PTPRG: variants seen among roughly 807,000 people sequenced by gnomAD.
PTPRG encodes the protein protein tyrosine phosphatase receptor type G, also known as receptor-type tyrosine-protein phosphatase gamma.
A neutral mutation model predicts 165.3 loss-of-function variants in PTPRG; 102 were observed. The ratio of observed to expected loss-of-function variants is 0.62; its 90% CI spans 0.53 to 0.73. The LOEUF (loss-of-function observed/expected upper bound fraction) is 0.73, where lower values mean the gene tolerates loss of function less well. Ranked by LOEUF, PTPRG falls within the 30% of genes least tolerant of loss-of-function variation. PTPRG has a pLI of 0.00. For missense variants in PTPRG, 1,866 were observed against 1,861.4 expected (o/e 1.00, Z -0.05); for synonymous variants, 675 against 669.5 (o/e 1.01, Z -0.13).
chr3:61,736,680 G>A (rs1190903483), intron 1 of PTPRG, among the ~76,000 whole-genome samples: 1 of 152,166 alleles, frequency 6.6e-6, no homozygotes, highest in East Asian at 1.9e-4. Flanking sequence ...GTGCACAGGT[G>A]GAAGTACACA....
rs1459262700 is a variant in PTPRG at position 62,294,190 on chromosome 3, A to G, written c.*883A>G. The G allele has an allele frequency of 6.6e-6, 1 of 152,080 alleles. No homozygotes were observed. The highest frequency in any genetic ancestry group is 1.5e-5 in the Non-Finnish European group (1 of 67,982). 9.4% of individuals were successfully genotyped at this position (152,080 alleles called of 1,614,324 possible). On this transcript the variant is annotated 3_prime_UTR_variant, in exon 30 of 30. Transcript: ENST00000474889. Reference sequence around the variant, plus strand: ...TTCTTAGTTTGTAATACCATACCTCACAGTAGGTAGAAGAATGAAAACTTC... The same window carrying G: ...TTCTTAGTTTGTAATACCATACCTCGCAGTAGGTAGAAGAATGAAAACTTC...
chr3:61,572,668 C>A (rs1700084146), intron 1 of PTPRG, among the ~76,000 whole-genome samples: 1 of 152,272 alleles, frequency 6.6e-6, no homozygotes, highest in South Asian at 2.1e-4. Context: ...AGATGGAAGC[C>A]CCGGCCCTCA....
At chr3:61,609,235 G>T (rs776671550) in intron 1 of PTPRG, among the ~76,000 whole-genome samples, 17 of 152,206 alleles carry the variant, frequency 1.1e-4, no homozygotes, top group Non-Finnish European at 1.5e-4. Context: ...TGGGTCGAAT[G>T]AAGTTATGTA....
chr3:61,801,709 T>C (rs553905411), intron 2 of PTPRG, among the ~76,000 whole-genome samples: 2 of 152,184 alleles, frequency 1.3e-5, no homozygotes, highest in Non-Finnish European at 2.9e-5. Flanking sequence ...ATTGTTAGCA[T>C]TATCCTAATT....
intron 1 of PTPRG, among the ~76,000 whole-genome samples, chr3:61,613,130 C>T (rs995359808): frequency 6.6e-6 from 1 of 152,178 alleles, no homozygotes; most frequent in African/African-American, 2.4e-5. Context: ...CTAGGACACT[C>T]AAAAGCCTAG....
At chr3:61,845,737 G>A (rs1469038906) in intron 2 of PTPRG, among the ~76,000 whole-genome samples, 1 of 152,152 alleles carries the variant, frequency 6.6e-6, no homozygotes, top group African/African-American at 2.4e-5. Context: ...GTCTTATAAT[G>A]TATTTTCCAT....
chr3:62,158,945 C>T (rs376624642), intron 7 of PTPRG, among the ~76,000 whole-genome samples: 25 of 152,022 alleles, frequency 1.6e-4, no homozygotes, highest in South Asian at 6.2e-4. Context: ...AAAGTTACAG[C>T]CCAAATATTT....
At chr3:61,843,777 G>C (rs192266187) in intron 2 of PTPRG, among the ~76,000 whole-genome samples, 1 of 151,194 alleles carries the variant, frequency 6.6e-6, no homozygotes, top group East Asian at 1.9e-4. Context: ...AACATTATTA[G>C]TTGATGTCAG....
chr3:62,136,129 C>T (rs1205328926), intron 6 of PTPRG, among the ~76,000 whole-genome samples: 1 of 152,146 alleles, frequency 6.6e-6, no homozygotes, highest in African/African-American at 2.4e-5. Flanking sequence ...CCTAATCACA[C>T]TCCCGTAGTG....
At chr3:61,853,572 T>C (rs530064111) in intron 2 of PTPRG, among the ~76,000 whole-genome samples, 1 of 152,318 alleles carries the variant, frequency 6.6e-6, no homozygotes, top group African/African-American at 2.4e-5. Flanking sequence ...AGCTGACATC[T>C]TGACTGCAAT....
chr3:62,210,594 A>G lies in PTPRG; in HGVS notation c.2155+6644A>G, dbSNP rs913288742. Reference sequence around the variant, plus strand: ...GGTATACACTTGACCCTTGAAAAACAGTCTTGAACTGCTTATATCCACTTA... The same window carrying G: ...GGTATACACTTGACCCTTGAAAAACGGTCTTGAACTGCTTATATCCACTTA... On this transcript the variant is annotated intron_variant, in intron 12 of 29. Coordinates refer to ENST00000474889, the MANE Select transcript of PTPRG (RefSeq NM_002841.4). The surrounding 1 kb of genome is among the most constrained non-coding windows in gnomAD (Gnocchi z 4.1). 6.6e-6 allele frequency among the ~76,000 whole-genome samples: 1 copy of G among 152,154 alleles called. No homozygotes were observed. Among genetic ancestry groups the G allele is most frequent in the Non-Finnish European group, 1.5e-5 (1 of 68,024 alleles).
At chr3:61,619,309 T>A (rs1701387016) in intron 1 of PTPRG, among the ~76,000 whole-genome samples, 1 of 152,182 alleles carries the variant, frequency 6.6e-6, no homozygotes, top group South Asian at 2.1e-4. Flanking sequence ...ATACAATTTC[T>A]GCCTATTGAT....
intron 2 of PTPRG, among the ~76,000 whole-genome samples, chr3:61,904,576 G>A (rs908370530): frequency 1.3e-5 from 2 of 152,110 alleles, no homozygotes; most frequent in East Asian, 3.9e-4. Flanking sequence ...ATGTCCAGAG[G>A]CCTCTGGCTC....
intron 1 of PTPRG, among the ~76,000 whole-genome samples, chr3:61,571,409 CT>C (rs1331330045): frequency 2.0e-5 from 3 of 152,244 alleles, no homozygotes; most frequent in East Asian, 3.9e-4. Flanking sequence ...AAAGATCTAG[CT>C]TTTTATGTAT....
chr3:62,158,383 C>T (rs868429580), intron 7 of PTPRG, among the ~76,000 whole-genome samples: 3 of 152,196 alleles, frequency 2.0e-5, no homozygotes, highest in South Asian at 2.1e-4. Flanking sequence ...GAGCCATTAA[C>T]CAAGACTGTC....
intron 1 of PTPRG, among the ~76,000 whole-genome samples, chr3:61,695,972 G>A (rs1198831606): frequency 6.6e-6 from 1 of 152,134 alleles, no homozygotes; most frequent in Admixed American, 6.5e-5. Context: ...GATGGAGTGA[G>A]ATAGGGATTT....
intron 4 of PTPRG, among the ~76,000 whole-genome samples, chr3:62,011,168 C>T (rs889526243): frequency 2.0e-5 from 3 of 152,158 alleles, no homozygotes; most frequent in African/African-American, 7.2e-5. Flanking sequence ...TTAGACTGAG[C>T]TGCTTCATAT....
At chr3:61,576,278 G>T (rs1372186438) in intron 1 of PTPRG, among the ~76,000 whole-genome samples, 8 of 152,114 alleles carry the variant, frequency 5.3e-5, no homozygotes, top group African/African-American at 1.9e-4. Context: ...GAAGAAAAAG[G>T]TTCATAGCTA....
At chr3:61,563,208 C>T (rs1699811819) in intron 1 of PTPRG, among the ~76,000 whole-genome samples, 1 of 152,124 alleles carries the variant, frequency 6.6e-6, no homozygotes. Flanking sequence ...TGATTTTTTT[C>T]CTGTCTCGCG....
Sources: allele counts gnomAD v4.1 joint callset (sites outside exome capture counted in the v4.1 genomes callset), GRCh38; gene constraint gnomAD v4.1.1; non-coding constraint Gnocchi (gnomAD v3.1); transcripts MANE v1.5; gene names NCBI Gene and HGNC (gene_info 2026-07-23, HGNC 2026-07-21).